Variants in VPS8 observed in about 807,000 individuals in gnomAD.
VPS8 encodes the protein VPS8 subunit of CORVET complex.
Under a neutral mutation model 216.4 loss-of-function variants are expected in VPS8, and 129 were observed. The ratio of observed to expected loss-of-function variants is 0.60; its 90% CI spans 0.52 to 0.69. The LOEUF (loss-of-function observed/expected upper bound fraction) is 0.69, where lower values mean the gene tolerates loss of function less well. Among genes scored for constraint, VPS8 ranks in the 30% least tolerant of loss-of-function variants. The probability of loss-of-function intolerance (pLI) is 0.00; values close to 1 mark genes in which losing one functional copy is unlikely to be tolerated. For synonymous variants in VPS8, 571 were observed against 565.4 expected (o/e 1.01, Z -0.14); for missense variants, 1,531 against 1,683.5 (o/e 0.91, Z 1.59).
intron 34 of VPS8, 52 bp downstream of exon 34, chr3:184,930,620 A>G: frequency 7.2e-7 from 1 of 1,380,130 alleles, no homozygotes; most frequent in South Asian, 1.2e-5. Context: ...CATCTAACCC[A>G]AGTTAACTTT....
chr3:184,934,850 C>A (rs1741317762), intron 34 of VPS8, among the ~76,000 whole-genome samples: 1 of 152,146 alleles, frequency 6.6e-6, no homozygotes, highest in Non-Finnish European at 1.5e-5. Context: ...CAAAATGTTA[C>A]TAGCCTCTTA....
intron 21 of VPS8, among the ~76,000 whole-genome samples, chr3:184,875,910 A>G (rs989066980): frequency 6.6e-6 from 1 of 151,206 alleles, no homozygotes; most frequent in African/African-American, 2.4e-5. Flanking sequence ...GGTTCACTTG[A>G]GCCCGGGAGG....
intron 37 of VPS8, among the ~76,000 whole-genome samples, chr3:184,960,790 A>G (rs940538839): frequency 1.3e-5 from 2 of 152,234 alleles, no homozygotes; most frequent in Non-Finnish European, 1.5e-5. Flanking sequence ...ATAGGATCAC[A>G]GTTCACTGTG....
At chr3:185,048,400 G>C (rs1454819270) in intron 46 of VPS8, 79 bp from the exon 47 acceptor site, 11 of 1,358,800 alleles carry the variant, frequency 8.1e-6, no homozygotes, top group Non-Finnish European at 1.2e-5. Context: ...ACCATGTTAT[G>C]CTTCAGCATC....
At chr3:184,999,185 G>A (rs1316505079) in intron 44 of VPS8, among the ~76,000 whole-genome samples, 2 of 152,162 alleles carry the variant, frequency 1.3e-5, no homozygotes, top group African/African-American at 4.8e-5. Context: ...AGCCTCCCAA[G>A]TAGCTGGGAT....
intron 21 of VPS8, 112 bp downstream of exon 21, chr3:184,870,917 T>A (rs529406917): frequency 1.1e-6 from 1 of 905,528 alleles, no homozygotes; most frequent in South Asian, 1.7e-5. Context: ...TTTTTAGTAT[T>A]CAAAACTTTA....
At chr3:184,987,794 A>G (rs1036936343) in intron 42 of VPS8, among the ~76,000 whole-genome samples, 1 of 152,214 alleles carries the variant, frequency 6.6e-6, no homozygotes, top group Non-Finnish European at 1.5e-5. Flanking sequence ...TTACTTTTGT[A>G]AGAAACTGCC....
At chr3:184,869,078 G>A (rs1295163082) in intron 19 of VPS8, 42 bp downstream of exon 19, 4 of 1,549,486 alleles carry the variant, frequency 2.6e-6, no homozygotes, top group Non-Finnish European at 3.5e-6. Flanking sequence ...TGGTTCTCCT[G>A]GAGTAGAGGG....
chr3:185,008,580 G>C (rs1483010096), intron 45 of VPS8, among the ~76,000 whole-genome samples: 1 of 152,080 alleles, frequency 6.6e-6, no homozygotes, highest in Non-Finnish European at 1.5e-5. Context: ...TACGTTAGGT[G>C]GTTAGGGAAT....
chr3:185,026,803 G>A (rs931832523), intron 46 of VPS8, among the ~76,000 whole-genome samples: 1 of 149,930 alleles, frequency 6.7e-6, no homozygotes, highest in Non-Finnish European at 1.5e-5. Context: ...CCGCCTCCTG[G>A]GTTCAAGCGA....
intron 40 of VPS8, 94 bp from the exon 41 acceptor site, chr3:184,982,472 C>G (rs1003201309): frequency 1.2e-6 from 1 of 847,686 alleles, no homozygotes; most frequent in African/African-American, 1.7e-5. Context: ...ACGTTTCAAC[C>G]TGTAAAACAT....
intron 45 of VPS8, among the ~76,000 whole-genome samples, chr3:185,020,170 T>G (rs546876932): frequency 4.6e-5 from 7 of 152,348 alleles, no homozygotes; most frequent in Admixed American, 3.9e-4. Flanking sequence ...TTTTAAAAAT[T>G]GAAAATAACC....
rs373097327 is a variant in VPS8 at position 184,837,173 on chromosome 3, T to C, written c.448-1541T>C. On this transcript the variant is annotated intron_variant, in intron 5 of 47. Transcript: ENST00000625842. ...CCCTCAGATATTGCAACACCAGTACTAAAATTCTGTAATCTCTACAATGCT... is the reference window on the plus strand; with the variant it reads ...CCCTCAGATATTGCAACACCAGTACCAAAATTCTGTAATCTCTACAATGCT... 5.9e-5 allele frequency among the ~76,000 whole-genome samples: 9 copies of C among 152,052 alleles called. No homozygotes were observed. In the East Asian group the frequency reaches 1.4e-3, roughly 23 times the overall value.
In VPS8 at chr3:184,983,907, G is replaced by A. The variant is rs192787743; in HGVS notation, c.3585+813G>A. Among the ~76,000 whole-genome samples the A allele has an allele frequency of 2.9e-3, 443 of 151,214 alleles. 3 individuals are homozygous for A. Among genetic ancestry groups the A allele is most frequent in the African/African-American group, 9.4e-3 (388 of 41,236 alleles). ...CTTTTAAGACTCACCAAGCTTGGCC[G>A]GGCGTGGTGGCTCACGCCTGTAATC... is the stretch of plus-strand genomic sequence containing the variant. On this transcript the variant is annotated intron_variant, in intron 42 of 47. Coordinates refer to ENST00000625842, the MANE Select transcript of VPS8 (RefSeq NM_001009921.3).
At chr3:184,893,734 G>A (rs886573299) in intron 22 of VPS8, among the ~76,000 whole-genome samples, 1 of 152,150 alleles carries the variant, frequency 6.6e-6, no homozygotes, top group Non-Finnish European at 1.5e-5. Flanking sequence ...ACTGATTTAG[G>A]AATTAAGCCC....
chr3:184,987,406 G>T (rs1048782871), intron 42 of VPS8, among the ~76,000 whole-genome samples: 1 of 90,134 alleles, frequency 1.1e-5, no homozygotes, highest in African/African-American at 3.5e-5. Context: ...GAGTCACCGT[G>T]CCCACACTGA....
intron 30 of VPS8, 51 bp from the exon 31 acceptor site, chr3:184,926,543 A>C (rs1011748595): frequency 1.3e-6 from 2 of 1,511,696 alleles, no homozygotes; most frequent in Non-Finnish European, 1.8e-6. Context: ...TTATGAGAGT[A>C]TTAATGTCTA....
intron 14 of VPS8, among the ~76,000 whole-genome samples, chr3:184,858,710 A>G (rs1053391927): frequency 6.6e-6 from 1 of 152,202 alleles, no homozygotes; most frequent in Non-Finnish European, 1.5e-5. Flanking sequence ...AAACACACTC[A>G]TAATAAGCAG....
intron 21 of VPS8, among the ~76,000 whole-genome samples, chr3:184,882,615 G>T (rs1578056179): frequency 6.6e-6 from 1 of 152,046 alleles, no homozygotes; most frequent in African/African-American, 2.4e-5. Context: ...CTGTTTTGTG[G>T]AAGGGATTGT....
Sources: gnomAD v4.1 joint callset for allele counts (sites outside exome capture counted in the v4.1 genomes callset) on GRCh38, gnomAD v4.1.1 for gene constraint, MANE v1.5 for transcripts, NCBI Gene and HGNC (gene_info 2026-07-23, HGNC 2026-07-21) for gene names.